SPAG16: variants seen among roughly 807,000 people sequenced by gnomAD.
SPAG16 encodes sperm-associated antigen 16 protein.
In SPAG16, 86 loss-of-function variants were observed where a neutral mutation model predicts 80.4. The observed-to-expected ratio is 1.07, with a 90% confidence interval of 0.90 to 1.28. SPAG16 has a LOEUF of 1.28. Among genes scored for constraint, SPAG16 ranks in the 50% most tolerant of loss-of-function variants. SPAG16 has a pLI of 0.00. For synonymous variants in SPAG16, 294 were observed against 265.9 expected, an observed-to-expected ratio of 1.11 and a Z score of -1.03; for missense variants, 870 against 765.3, an observed-to-expected ratio of 1.14 and a Z score of -1.61.
At chr2:213,802,171 G>A (rs2071450941) in intron 10 of SPAG16, among the ~76,000 whole-genome samples, 1 of 152,128 alleles carries the variant, frequency 6.6e-6, no homozygotes, top group South Asian at 2.1e-4. Flanking sequence ...GACTTGATGA[G>A]AGATGATAAG....
intron 10 of SPAG16, among the ~76,000 whole-genome samples, chr2:213,646,019 T>C (rs2062809290): frequency 6.6e-6 from 1 of 152,172 alleles, no homozygotes; most frequent in Non-Finnish European, 1.5e-5. Context: ...AGTTTTCTTT[T>C]CTGTTCTAAC....
At chr2:213,850,688 GT>G (rs79222896) in intron 10 of SPAG16, among the ~76,000 whole-genome samples, 37,507 of 148,498 alleles carry the variant, frequency 0.25, 5,121 homozygotes, top group South Asian at 0.38. Flanking sequence ...GAGAAATTCT[GT>G]TTTTTTTTTT....
intron 13 of SPAG16, among the ~76,000 whole-genome samples, chr2:214,095,321 C>A (rs2052516291): frequency 6.6e-6 from 1 of 152,066 alleles, no homozygotes; most frequent in East Asian, 1.9e-4. Context: ...CCCCAGAAAC[C>A]TTTTCTCCAG....
At chr2:214,059,215 T>C (rs2050115584) in intron 13 of SPAG16, among the ~76,000 whole-genome samples, 2 of 93,546 alleles carry the variant, frequency 2.1e-5, no homozygotes, top group Admixed American at 1.2e-4. Flanking sequence ...TATATATATA[T>C]GTATGTGTAT....
At chr2:214,149,949 G>A (rs2125571001) in intron 15 of SPAG16, among the ~76,000 whole-genome samples, 1 of 152,096 alleles carries the variant, frequency 6.6e-6, no homozygotes, top group South Asian at 2.1e-4. Context: ...TTTAATGATA[G>A]AGTTTACTAA....
At chr2:213,881,647 G>C (rs1327040694) in intron 11 of SPAG16, among the ~76,000 whole-genome samples, 1 of 152,130 alleles carries the variant, frequency 6.6e-6, no homozygotes, top group Non-Finnish European at 1.5e-5. Context: ...AAGGCAGGGG[G>C]AACAACCCCT....
chr2:213,555,674 A>G (rs1183517092), intron 10 of SPAG16, among the ~76,000 whole-genome samples: 4 of 152,198 alleles, frequency 2.6e-5, no homozygotes, highest in Non-Finnish European at 5.9e-5. Flanking sequence ...ATAAAACCTG[A>G]GGGAGTTCAT....
At chr2:213,714,123 G>A (rs1310535461) in intron 10 of SPAG16, among the ~76,000 whole-genome samples, 1 of 152,174 alleles carries the variant, frequency 6.6e-6, no homozygotes, top group African/African-American at 2.4e-5. Context: ...TCCTGCCTCA[G>A]ATACTGAATG....
intron 11 of SPAG16, among the ~76,000 whole-genome samples, chr2:213,924,551 G>A (rs762092148): frequency 2.6e-5 from 4 of 152,190 alleles, no homozygotes; most frequent in Non-Finnish European, 5.9e-5. Context: ...TGTGAGAGCA[G>A]CACATACAAG....
chr2:213,412,747 G>C (rs1420466420), intron 9 of SPAG16, among the ~76,000 whole-genome samples: 2 of 151,940 alleles, frequency 1.3e-5, no homozygotes, highest in African/African-American at 4.8e-5. Flanking sequence ...GGGCAATGAA[G>C]AAAATAAATG....
At chr2:213,581,298 G>A (rs968894509) in intron 10 of SPAG16, among the ~76,000 whole-genome samples, 14 of 151,944 alleles carry the variant, frequency 9.2e-5, no homozygotes, top group Non-Finnish European at 1.9e-4. Flanking sequence ...GTTCATTGTA[G>A]CCTCAAGCTC....
At chr2:213,936,881 A>G (rs180974182) in intron 12 of SPAG16, among the ~76,000 whole-genome samples, 14 of 152,260 alleles carry the variant, frequency 9.2e-5, no homozygotes, top group African/African-American at 2.9e-4. Flanking sequence ...TATTTTAATA[A>G]TTCTGTAGCC....
chr2:213,823,543 A>T (rs2073082468), intron 10 of SPAG16, among the ~76,000 whole-genome samples: 1 of 152,052 alleles, frequency 6.6e-6, no homozygotes, highest in Admixed American at 6.6e-5. Context: ...TATTTTTAGT[A>T]GAGATAGGGT....
Position 213,615,451 on chromosome 2 carries a change from T to A in SPAG16, c.1070+125361T>A, listed in dbSNP as rs372108317. On this transcript the variant is annotated intron_variant, in intron 10 of 15. Transcript: ENST00000331683. ...ACTAAAAATGCAAAAATTACCTGGG[T>A]GGGATGGCATGCACCTGAAATCCCA... 2.4e-3 allele frequency among the ~76,000 whole-genome samples: 369 copies of A among 152,000 alleles called. 2 individuals are homozygous for A. The highest frequency in any genetic ancestry group is 8.4e-3 in the African/African-American group (349 of 41,448).
chr2:214,089,755 C>G (rs942411032), intron 13 of SPAG16, among the ~76,000 whole-genome samples: 2 of 152,018 alleles, frequency 1.3e-5, no homozygotes, highest in Non-Finnish European at 2.9e-5. Context: ...CTCTGAGGTT[C>G]TCTAAGAAAT....
intron 12 of SPAG16, among the ~76,000 whole-genome samples, chr2:213,952,513 A>G (rs770261880): frequency 2.6e-5 from 4 of 152,142 alleles, no homozygotes; most frequent in Non-Finnish European, 5.9e-5. Flanking sequence ...TATCCAATTT[A>G]TAAATCTTCA....
chr2:214,053,733 A>C (rs1043400793), intron 13 of SPAG16, among the ~76,000 whole-genome samples: 1 of 152,214 alleles, frequency 6.6e-6, no homozygotes. Flanking sequence ...AAACAGAGGC[A>C]GAAAGAAGTA....
At chr2:214,288,474 A>G (rs1234874511) in intron 15 of SPAG16, among the ~76,000 whole-genome samples, 5 of 152,022 alleles carry the variant, frequency 3.3e-5, no homozygotes, top group Admixed American at 3.3e-4. Context: ...TTATGGTAGT[A>G]TTATTTTTGA....
chr2:213,633,797 T>A (rs1193658495), intron 10 of SPAG16, among the ~76,000 whole-genome samples: 2 of 152,178 alleles, frequency 1.3e-5, no homozygotes, highest in African/African-American at 4.8e-5. Context: ...TCTCTTCTTA[T>A]AGTTTTTGTC....
Sources: gnomAD v4.1 joint callset for allele counts (sites outside exome capture counted in the v4.1 genomes callset) on GRCh38, gnomAD v4.1.1 for gene constraint, MANE v1.5 for transcripts, NCBI Gene and HGNC (gene_info 2026-07-23, HGNC 2026-07-21) for gene names.